The following ADAMTS13 variants were observed in gnomAD, a reference collection of about 807,000 sequenced individuals.
ADAMTS13 encodes A disintegrin and metalloproteinase with thrombospondin motifs 13.
Under a neutral mutation model 155.1 loss-of-function variants are expected in ADAMTS13, and 110 were observed. The ratio of observed to expected loss-of-function variants is 0.71; its 90% CI spans 0.61 to 0.83. The LOEUF is 0.83. Among genes scored for constraint, ADAMTS13 ranks in the 40% least tolerant of loss-of-function variants. The pLI, the probability that ADAMTS13 is intolerant of heterozygous loss-of-function variation, is 0.00. For synonymous variants in ADAMTS13, 758 were observed against 756.4 expected (o/e 1.00, Z -0.03); for missense variants, 1,707 against 1,891.7 (o/e 0.90, Z 1.81).
rs1029207345 is a variant in ADAMTS13 at position 133,424,306 on chromosome 9, C to T, written c.173-15C>T. The T allele has an allele frequency of 2.5e-6, 4 of 1,611,116 alleles. No individual in the cohort carries two copies. The African/African-American group carries it at 4.0e-5, about 16-fold the overall frequency. The stretch of plus-strand genomic sequence containing the variant: ...TCTAGAACCATCGCCCTCTGCTCTC[C>T]CTCTCCCCCTCCAGGCCGCCCTCCT... On this transcript the variant is annotated splice_polypyrimidine_tract_variant and intron_variant, in intron 2 of 28. Transcript: ENST00000355699. The surrounding 1 kb of genome is among the most constrained non-coding windows in gnomAD (Gnocchi z 4.3).
chr9:133,415,341 C>G (rs1369723090), intron 1 of ADAMTS13, among the ~76,000 whole-genome samples: 2 of 152,042 alleles, frequency 1.3e-5, no homozygotes, highest in Admixed American at 6.6e-5. Context: ...CCCTTTTCAG[C>G]TTATCTAGAA....
At chr9:133,458,913 C>T in intron 28 of ADAMTS13, 61 bp from the exon 29 acceptor site, 1 of 1,474,684 alleles carries the variant, frequency 6.8e-7, no homozygotes, top group Non-Finnish European at 9.4e-7. Context: ...CACACGAAGG[C>T]TTCCGTGAGT....
chr9:133,454,447 C>T lies in ADAMTS13; in HGVS notation c.3077C>T (p.Ala1026Val), dbSNP rs782363611. 4 of 1,613,642 alleles carry T rather than the reference C, an allele frequency of 2.5e-6. No homozygotes were observed. Among genetic ancestry groups the T allele is most frequent in the African/African-American group, 1.3e-5 (1 of 74,944 alleles). Residue 1026 changes from alanine to valine, a missense_variant, in exon 24 of 29, where the codon GCC becomes GTC. By Grantham distance (64) the Ala-to-Val change is moderately conservative (BLOSUM62 0). Transcript: ENST00000355699. ...WKVMSLGPCSASCGLGTARRS... is the reference protein window; with the variant it reads ...WKVMSLGPCSVSCGLGTARRS... ...GTCATGTCCCTTGGCCCATGTTCGG[C>T]CAGCTGTGGCCTTGGCACTGCTAGA...
chr9:133,453,873 G>C (rs965292538), intron 23 of ADAMTS13, among the ~76,000 whole-genome samples: 2 of 152,132 alleles, frequency 1.3e-5, no homozygotes, highest in African/African-American at 4.8e-5. Context: ...GGTCCAAGAG[G>C]CAGCGCTGCA....
In ADAMTS13 at chr9:133,456,054, C is replaced by T. The variant is rs1554795794; in HGVS notation, c.3401-15C>T. 1.2e-6 allele frequency: 2 copies of T among 1,613,198 alleles called. No homozygotes were observed. Among genetic ancestry groups the T allele is most frequent in the Non-Finnish European group, 1.7e-6 (2 of 1,180,030 alleles). ...CGGGGAAGCACTGCTTACCTGTCTCCTGCTCCCTTTTCAGGTGCCTGTGGC... is the reference window on the plus strand; with the variant it reads ...CGGGGAAGCACTGCTTACCTGTCTCTTGCTCCCTTTTCAGGTGCCTGTGGC... On this transcript the variant is annotated splice_polypyrimidine_tract_variant and intron_variant, in intron 25 of 28. Coordinates refer to ENST00000355699, the MANE Select transcript of ADAMTS13 (RefSeq NM_139027.6). This position sits in a 1 kb window ranked among gnomAD's most constrained non-coding sequence, Gnocchi z 4.4.
chr9:133,423,885 T>C (rs1434344551), intron 2 of ADAMTS13, among the ~76,000 whole-genome samples: 2 of 152,162 alleles, frequency 1.3e-5, no homozygotes, highest in African/African-American at 2.4e-5. Context: ...TTGCCCAGGG[T>C]CCCTGACCCT....
chr9:133,428,825 C>A (rs1554786047), intron 7 of ADAMTS13, 54 bp downstream of exon 7: 3 of 1,236,700 alleles, frequency 2.4e-6, no homozygotes, highest in African/African-American at 3.2e-5. Context: ...CCCGCTGGGC[C>A]GCCAGCGCCA....
chr9:133,447,134 C>A (rs587661894), intron 21 of ADAMTS13, among the ~76,000 whole-genome samples: 4 of 152,128 alleles, frequency 2.6e-5, no homozygotes, highest in African/African-American at 9.7e-5. Flanking sequence ...GGATTACAGG[C>A]GTGAGCCCCC....
At chr9:133,436,776 A>AGGGGGGGGCC in intron 11 of ADAMTS13, 53 bp from the exon 12 acceptor site, 1 of 715,604 alleles carries the variant, frequency 1.4e-6, no homozygotes, top group African/African-American at 1.8e-5. Flanking sequence ...CCCAGTGACA[A>AGGGGGGGGCC]CACCCGCCCC....
intron 2 of ADAMTS13, among the ~76,000 whole-genome samples, chr9:133,423,596 A>T (rs1840091470): frequency 6.6e-6 from 1 of 152,100 alleles, no homozygotes; most frequent in African/African-American, 2.4e-5. Flanking sequence ...CATTGCCCAC[A>T]GGCCCATGTC....
intron 14 of ADAMTS13, among the ~76,000 whole-genome samples, chr9:133,438,924 A>AAAAG (rs1196732312): frequency 1.3e-5 from 2 of 151,714 alleles, no homozygotes; most frequent in Non-Finnish European, 2.9e-5. Context: ...AAAAAAAAAA[A>AAAAG]AAAAGTATGG....
chr9:133,447,220 C>T (rs782409720), intron 21 of ADAMTS13, among the ~76,000 whole-genome samples: 13 of 152,100 alleles, frequency 8.5e-5, no homozygotes, highest in Non-Finnish European at 1.6e-4. Context: ...TGTTCTTAAA[C>T]GAAAACCCTG....
At chr9:133,458,148 C>A in intron 28 of ADAMTS13, 54 bp downstream of exon 28, 1 of 1,595,040 alleles carries the variant, frequency 6.3e-7, no homozygotes, top group Non-Finnish European at 8.5e-7. Flanking sequence ...TTCCCTAGGG[C>A]GTGCAGGGCT....
chr9:133,455,033 C>T (rs1157874600), intron 24 of ADAMTS13, among the ~76,000 whole-genome samples: 1 of 152,136 alleles, frequency 6.6e-6, no homozygotes, highest in Non-Finnish European at 1.5e-5. Context: ...CCTGCTTGCT[C>T]TAAGGCTTGG....
At position 133,456,108 on chromosome 9, in the gene ADAMTS13, T is replaced by C. The variant is rs1040884580; in HGVS notation, c.3440T>C (p.Ile1147Thr). 3 of 1,613,316 alleles carry C rather than the reference T, an allele frequency of 1.9e-6. No individual in the cohort carries two copies. The highest frequency in any genetic ancestry group is 2.2e-5 in the East Asian group (1 of 44,882). The change falls in exon 26 of 29, where the codon ATT becomes ACT. Residue 1147 changes from isoleucine (I) to threonine (T), a missense_variant. By Grantham distance (89) the Ile-to-Thr change is moderately conservative. Coordinates refer to ENST00000355699, the MANE Select transcript of ADAMTS13 (RefSeq NM_139027.6). This position sits in a 1 kb window ranked among gnomAD's most constrained non-coding sequence, Gnocchi z 4.4. Reference sequence around the variant, plus strand: ...CAGCACCTTGAGCCAACAGGAACCATTGACATGCGAGGCCCAGGGCAGGCA... The same window carrying C: ...CAGCACCTTGAGCCAACAGGAACCACTGACATGCGAGGCCCAGGGCAGGCA... Reference protein sequence around the residue: ...GRQHLEPTGTIDMRGPGQADC... With the variant: ...GRQHLEPTGTTDMRGPGQADC...
chr9:133,453,989 T>C (rs1046552943), intron 23 of ADAMTS13, among the ~76,000 whole-genome samples: 2 of 152,090 alleles, frequency 1.3e-5, no homozygotes, highest in African/African-American at 4.8e-5. Context: ...TAGTTATTGA[T>C]TGATTACAGA....
At position 133,448,701 on chromosome 9, in the gene ADAMTS13, T is replaced by A. The variant is rs782770168; in HGVS notation, c.2834T>A (p.Val945Asp). 2 of 1,603,218 alleles carry A rather than the reference T, an allele frequency of 1.2e-6. No individual in the cohort carries two copies. The highest frequency in any genetic ancestry group is 1.7e-6 in the Non-Finnish European group (2 of 1,179,880). Residue 945 changes from valine to aspartate, a missense_variant, in exon 22 of 29, where the codon GTC (valine) becomes GAC (aspartate). Around this residue, in one of 3 missense-constraint regions of ADAMTS13, gnomAD observed 961 missense variants for 1,107.9 expected, o/e 0.87. Coordinates refer to ENST00000355699, the MANE Select transcript of ADAMTS13 (RefSeq NM_139027.6). Reference sequence around the variant, plus strand: ...AGCAAGCCTGGGAGCCGGCGGGAGGTCTGCCAGGCTGTCCCGTGCCCTGCT... The same window carrying A: ...AGCAAGCCTGGGAGCCGGCGGGAGGACTGCCAGGCTGTCCCGTGCCCTGCT... ...LASKPGSRRE[V>D]CQAVPCPARW...
In ADAMTS13 at chr9:133,433,665, T is replaced by C. The variant is rs1840956258; in HGVS notation, c.1269T>C (p.Cys423=). The C allele has an allele frequency of 1.2e-6, 2 of 1,613,910 alleles. No homozygotes were observed. The highest frequency in any genetic ancestry group is 1.7e-6 in the Non-Finnish European group (2 of 1,179,966). ...NPRPAFGGRA[C]VGADLQAEMC... ...GACCTGCCTTTGGGGGGCGTGCATGTGTTGGTGCTGACCTCCAGGCCGAGA... is the reference window on the plus strand; with the variant it reads ...GACCTGCCTTTGGGGGGCGTGCATGCGTTGGTGCTGACCTCCAGGCCGAGA... The change falls in exon 11 of 29, where the codon TGT becomes TGC. Residue 423 remains cysteine, a synonymous_variant. Coordinates refer to ENST00000355699, the MANE Select transcript of ADAMTS13 (RefSeq NM_139027.6).
chr9:133,414,850 C>T, intron 1 of ADAMTS13: 2 of 1,614,132 alleles, frequency 1.2e-6, no homozygotes, highest in Middle Eastern at 1.7e-4. Context: ...GAACAGAGCC[C>T]CTGCTGGCCT....
Sources: gnomAD v4.1 joint callset for allele counts (sites outside exome capture counted in the v4.1 genomes callset) on GRCh38, gnomAD v4.1.1 for gene constraint, gnomAD v4.1.1 regional missense constraint, Gnocchi (gnomAD v3.1) non-coding constraint, MANE v1.5 for transcripts, NCBI Gene and HGNC (gene_info 2026-07-23, HGNC 2026-07-21) for gene names.